Variants in RASGRP2 observed in about 807,000 individuals in gnomAD.
RASGRP2 encodes the protein RAS guanyl releasing protein 2, also known as RAS guanyl-releasing protein 2.
RASGRP2 carries 44 observed loss-of-function variants against 71.0 expected under a neutral mutation model. The ratio of observed to expected loss-of-function variants is 0.62; its 90% confidence interval spans 0.49 to 0.80. The LOEUF (loss-of-function observed/expected upper bound fraction) is 0.80, where lower values mean the gene tolerates loss of function less well. Ranked by LOEUF, RASGRP2 falls within the 30% of genes least tolerant of loss-of-function variation. The probability of loss-of-function intolerance (pLI) is 0.00; values close to 1 mark genes in which losing one functional copy is unlikely to be tolerated. For synonymous variants in RASGRP2, 350 were observed against 330.7 expected (o/e 1.06, Z -0.63); for missense variants, 663 against 813.4 (o/e 0.82, Z 2.25).
rs899007544 is a variant in RASGRP2 at position 64,727,372 on chromosome 11, G to C, written c.1772-12C>G. On this transcript the variant is annotated splice_polypyrimidine_tract_variant and intron_variant, in intron 15 of 16. Transcript: ENST00000394432. Reference sequence around the variant, plus strand: ...CTCCTCACGGATCTCTGCTGGGAGGGGGATTGCTGCAGAACACACTTCCAG... The same window carrying C: ...CTCCTCACGGATCTCTGCTGGGAGGCGGATTGCTGCAGAACACACTTCCAG... The C allele has an allele frequency of 4.3e-6, 7 of 1,613,588 alleles. No homozygotes were observed. In the South Asian group the frequency reaches 6.6e-5, roughly 15 times the overall value.
At chr11:64,738,108 T>G (rs1034923145) in intron 8 of RASGRP2, among the ~76,000 whole-genome samples, 1 of 151,708 alleles carries the variant, frequency 6.6e-6, no homozygotes, top group East Asian at 1.9e-4. Context: ...GCAATGAAAA[T>G]GAAAAAACAA....
Position 64,728,985 on chromosome 11 carries a change from C to T in RASGRP2, c.1649G>A (p.Arg550His), listed in dbSNP as rs761076139. 9.9e-6 allele frequency: 16 copies of T among 1,609,226 alleles called. No homozygotes were observed. Among genetic ancestry groups the T allele is most frequent in the Admixed American group, 6.7e-5 (4 of 59,732 alleles). The part of the protein sequence containing the change: ...CKDRLSVECR[R>H]RAQSVSLEGS... ...CTCCAGGCTCACACTCTGGGCCCTGCGCCGACACTCAACTGACAGGCGATC... is the reference window on the plus strand; with the variant it reads ...CTCCAGGCTCACACTCTGGGCCCTGTGCCGACACTCAACTGACAGGCGATC... Residue 550 changes from arginine (R) to histidine (H), a missense_variant, in exon 15 of 17, where the codon CGC becomes CAC. Arg to His is a conservative substitution (Grantham distance 29). Coordinates refer to ENST00000394432, the MANE Select transcript of RASGRP2 (RefSeq NM_001098671.2).
In RASGRP2 at chr11:64,742,896, G is replaced by T; in HGVS notation, c.-30C>A. ...GCCGGCGCGGGGTGGGCTGGGCCCA[G>T]GCTGCGCTCCGGGAGCCTCCCACCG... On this transcript the variant is annotated 5_prime_UTR_variant, in exon 2 of 17. The change creates a new upstream start codon in the 5' untranslated region. Transcript: ENST00000394432. The surrounding 1 kb of genome is among the most constrained non-coding windows in gnomAD (Gnocchi z 4.7). 6.4e-7 allele frequency: 1 copy of T among 1,563,306 alleles called. No homozygotes were observed. Among genetic ancestry groups the T allele is most frequent in the East Asian group, 2.3e-5 (1 of 42,818 alleles).
At position 64,735,811 on chromosome 11, in the gene RASGRP2, G is replaced by T; in HGVS notation, c.1173+92C>A. ...ATGCCTCTGTCCTACAAGATGGATG[G>T]GTGAGGTGGCTGCTAAGAGCTCTTC... On this transcript the variant is annotated intron_variant, in intron 10 of 16. Transcript: ENST00000394432. The surrounding 1 kb of genome is among the most constrained non-coding windows in gnomAD (Gnocchi z 4.2). The T allele has an allele frequency of 6.8e-7, 1 of 1,481,254 alleles. No homozygotes were observed. Among genetic ancestry groups the T allele is most frequent in the Non-Finnish European group, 9.3e-7 (1 of 1,079,006 alleles). The allele number at this position is 1,481,254 out of a possible 1,614,324, so 91.8% of individuals were successfully genotyped here.
At chr11:64,729,128 G>A in intron 14 of RASGRP2, 86 bp from the exon 15 acceptor site, 1 of 1,378,126 alleles carries the variant, frequency 7.3e-7, no homozygotes, top group Non-Finnish European at 1.0e-6. Context: ...CCCCCTACCA[G>A]GAACCTTTGT....
intron 15 of RASGRP2, 56 bp from the exon 16 acceptor site, chr11:64,727,416 A>T: frequency 6.5e-7 from 1 of 1,549,276 alleles, no homozygotes; most frequent in Non-Finnish European, 8.9e-7. Flanking sequence ...GACTTCATCA[A>T]CCCTTCCCCT....
chr11:64,737,206 T>G, intron 8 of RASGRP2, 172 bp from the exon 9 acceptor site: 2 of 738,242 alleles, frequency 2.7e-6, no homozygotes, highest in Non-Finnish European at 2.3e-6. Context: ...TTGAATTCAT[T>G]GCCATGAATT....
chr11:64,729,963 G>A, intron 13 of RASGRP2, 90 bp downstream of exon 13: 1 of 1,528,896 alleles, frequency 6.5e-7, no homozygotes, highest in Non-Finnish European at 8.8e-7. Flanking sequence ...GGCTTGAGAA[G>A]GGCTCTGGCA....
chr11:64,740,271 G>C, intron 5 of RASGRP2, 108 bp from the exon 6 acceptor site: 1 of 1,425,492 alleles, frequency 7.0e-7, no homozygotes. Flanking sequence ...CATAATGCGA[G>C]GCACTGTCCT....
At position 64,735,669 on chromosome 11, in the gene RASGRP2, G is replaced by T. The variant is rs771953179; in HGVS notation, c.1174-5C>A. 6 of 1,607,856 alleles carry T rather than the reference G, an allele frequency of 3.7e-6. No homozygotes were observed. The Admixed American group carries it at 1.0e-4, about 27-fold the overall frequency. ...GCAACTCGTGGGGCTGGTTGGCTAT[G>T]GAAATGGTCGGGCCTGAGCTAGGGC... On this transcript the variant is annotated splice_region_variant and splice_polypyrimidine_tract_variant and intron_variant, in intron 10 of 16. Transcript: ENST00000394432. This position sits in a 1 kb window ranked among gnomAD's most constrained non-coding sequence, Gnocchi z 4.2.
At chr11:64,744,385 T>A, upstream of RASGRP2, 1 of 932,834 alleles carries the variant, frequency 1.1e-6, no homozygotes, top group Non-Finnish European at 1.3e-6. Context: ...CAGGCGGACT[T>A]TTCCTAAGAG....
chr11:64,729,356 GA>G, intron 14 of RASGRP2, among the ~76,000 whole-genome samples: 1 of 86,354 alleles, frequency 1.2e-5, no homozygotes. Flanking sequence ...TTTTTTTTTT[GA>G]GACAGAGCCC....
chr11:64,740,198 C>T (rs947264553), intron 5 of RASGRP2, 35 bp from the exon 6 acceptor site: 21 of 1,613,328 alleles, frequency 1.3e-5, no homozygotes, highest in African/African-American at 6.7e-5. Flanking sequence ...CTTTGCTGGA[C>T]ATGCGCATGA....
intron 4 of RASGRP2, 53 bp downstream of exon 4, chr11:64,741,386 G>T: frequency 6.7e-7 from 1 of 1,482,822 alleles, no homozygotes; most frequent in South Asian, 1.2e-5. Flanking sequence ...CCAGCCTGAA[G>T]CCAGAGAGAA....
At chr11:64,740,812 C>T in intron 5 of RASGRP2, 136 bp downstream of exon 5, 1 of 1,180,410 alleles carries the variant, frequency 8.5e-7, no homozygotes, top group Non-Finnish European at 1.3e-6. Context: ...ATGTTGAAGG[C>T]AATAGGGAGC....
rs748159147 is a variant in RASGRP2 at position 64,727,299 on chromosome 11, C to A, written c.*3G>T. Reference sequence around the variant, plus strand: ...TGCCAGCTGTGGGAGGACTCACCATCTATTACAAGTGGATGTCAAACACCC... The same window carrying A: ...TGCCAGCTGTGGGAGGACTCACCATATATTACAAGTGGATGTCAAACACCC... On this transcript the variant is annotated 3_prime_UTR_variant, in exon 16 of 17. Coordinates refer to ENST00000394432, the MANE Select transcript of RASGRP2 (RefSeq NM_001098671.2). 7.4e-6 allele frequency: 12 copies of A among 1,613,638 alleles called. No homozygotes were observed. Among genetic ancestry groups the A allele is most frequent in the African/African-American group, 4.0e-5 (3 of 74,856 alleles).
Position 64,742,704 on chromosome 11 carries a change from G to A in RASGRP2, c.73+90C>T. On this transcript the variant is annotated intron_variant, in intron 2 of 16. Transcript: ENST00000394432. This position sits in a 1 kb window ranked among gnomAD's most constrained non-coding sequence, Gnocchi z 4.7. ...CGGAGCAGGGTGGGTCCGGGTCAGGGCTGTGCCCTGGACTGTGCCTGGGAG... is the reference window on the plus strand; with the variant it reads ...CGGAGCAGGGTGGGTCCGGGTCAGGACTGTGCCCTGGACTGTGCCTGGGAG... 1 of 1,523,824 alleles carries A rather than the reference G, an allele frequency of 6.6e-7. No homozygotes were observed. The highest frequency in any genetic ancestry group is 8.9e-7 in the Non-Finnish European group (1 of 1,124,882). 94.4% of individuals were successfully genotyped at this position (1,523,824 alleles called of 1,614,324 possible). A position where few individuals can be genotyped will look rare whatever the true frequency, so the allele number is the denominator to read the frequency against.
Position 64,739,571 on chromosome 11 carries a change from A to T in RASGRP2, c.696+65T>A. On this transcript the variant is annotated intron_variant, in intron 7 of 16. Coordinates refer to ENST00000394432, the MANE Select transcript of RASGRP2 (RefSeq NM_001098671.2). This position sits in a 1 kb window ranked among gnomAD's most constrained non-coding sequence, Gnocchi z 4.2. ...AGAGAGAAGGCAGTGGGTTAGGGGA[A>T]GGGAAGGGTTGGCCTGACTGGCATG... is the stretch of plus-strand genomic sequence containing the variant. 4 of 1,611,218 alleles carry T rather than the reference A, an allele frequency of 2.5e-6. No individual in the cohort carries two copies. The highest frequency in any genetic ancestry group is 3.4e-6 in the Non-Finnish European group (4 of 1,177,602).
chr11:64,728,581 C>G (rs1183337790), intron 15 of RASGRP2, among the ~76,000 whole-genome samples: 1 of 152,126 alleles, frequency 6.6e-6, no homozygotes, highest in Non-Finnish European at 1.5e-5. Flanking sequence ...GCGTCCGCCA[C>G]CACGCCTGGC....
Sources: allele counts gnomAD v4.1 joint callset (sites outside exome capture counted in the v4.1 genomes callset), GRCh38; gene constraint gnomAD v4.1.1; non-coding constraint Gnocchi (gnomAD v3.1); transcripts MANE v1.5; gene names NCBI Gene and HGNC (gene_info 2026-07-23, HGNC 2026-07-21).